CELF2: variants seen among roughly 807,000 people sequenced by gnomAD.
CELF2 encodes the protein CUGBP Elav-like family member 2.
In CELF2, 8 loss-of-function variants were observed where a neutral mutation model predicts 62.6. The observed-to-expected ratio is 0.13, with a 90% confidence interval of 0.07 to 0.23. The LOEUF (loss-of-function observed/expected upper bound fraction) is 0.23. Among genes scored for constraint, CELF2 ranks in the 10% least tolerant of loss-of-function variants. The pLI, the probability that CELF2 is intolerant of heterozygous loss-of-function variation, is 1.00. For missense variants in CELF2, 333 were observed against 671.0 expected, an observed-to-expected ratio of 0.50 and a Z score of 5.56; for synonymous variants, 258 against 250.0, an observed-to-expected ratio of 1.03 and a Z score of -0.30.
intron 9 of CELF2, among the ~76,000 whole-genome samples, chr10:11,310,424 C>T (rs976411689): frequency 5.9e-5 from 9 of 152,118 alleles, no homozygotes; most frequent in African/African-American, 2.2e-4. Flanking sequence ...TCTTGCTGCT[C>T]TTACTGAGAT....
chr10:10,975,275 G>A (rs566629878), intron 2 of CELF2, among the ~76,000 whole-genome samples: 64 of 152,116 alleles, frequency 4.2e-4, no homozygotes, highest in South Asian at 2.1e-4. Flanking sequence ...GAGCCACTAC[G>A]CCCAGCTAAT....
chr10:10,937,285 C>A (rs2046525640), intron 2 of CELF2, among the ~76,000 whole-genome samples: 1 of 151,934 alleles, frequency 6.6e-6, no homozygotes, highest in Non-Finnish European at 1.5e-5. Context: ...GCAAGTGCCA[C>A]CATGCCCAGC....
chr10:10,992,985 A>G (rs1439962452), intron 2 of CELF2, among the ~76,000 whole-genome samples: 1 of 152,158 alleles, frequency 6.6e-6, no homozygotes, highest in Non-Finnish European at 1.5e-5. Context: ...ACACTTATAT[A>G]TTCTTGTTGT....
the CELF2 span, among the ~76,000 whole-genome samples, chr10:10,757,476 A>T: frequency 6.6e-6 from 1 of 152,120 alleles, no homozygotes; most frequent in Non-Finnish European, 1.5e-5. Flanking sequence ...AATAGAATAA[A>T]ATAGACTAAC....
chr10:11,273,637 A>C (rs183563907), intron 7 of CELF2, among the ~76,000 whole-genome samples: 3 of 152,158 alleles, frequency 2.0e-5, no homozygotes, highest in Admixed American at 2.0e-4. Flanking sequence ...ATCATATCAA[A>C]CTGGAAAGAC....
At chr10:10,847,407 C>G (rs1258247056) in intron 1 of CELF2, among the ~76,000 whole-genome samples, 1 of 152,042 alleles carries the variant, frequency 6.6e-6, no homozygotes, top group South Asian at 2.1e-4. Flanking sequence ...TGAGAAAATG[C>G]TGTAGGAAGA....
intron 2 of CELF2, among the ~76,000 whole-genome samples, chr10:10,982,383 A>G (rs1203805109): frequency 2.6e-5 from 4 of 152,226 alleles, no homozygotes; most frequent in African/African-American, 9.7e-5. Context: ...CATGTCCCTA[A>G]TAATATATTT....
At chr10:10,640,407 A>T in the CELF2 span, among the ~76,000 whole-genome samples, 1 of 152,172 alleles carries the variant, frequency 6.6e-6, no homozygotes, top group Non-Finnish European at 1.5e-5. Context: ...TTAATCATGC[A>T]TCAAGACTTT....
At chr10:10,943,625 G>A (rs916146316) in intron 2 of CELF2, among the ~76,000 whole-genome samples, 1 of 151,920 alleles carries the variant, frequency 6.6e-6, no homozygotes, top group African/African-American at 2.4e-5. Context: ...GTTTGACAGA[G>A]TCTCGCTCTG....
upstream of CELF2, chr10:11,005,022 T>G (rs2054944411): frequency 2.0e-6 from 2 of 976,976 alleles, no homozygotes; most frequent in South Asian, 9.5e-5. The surrounding 1 kb of genome is among the most constrained non-coding windows in gnomAD (Gnocchi z 4.3). Context: ...TTGGTTGTTG[T>G]TTTTTTTGTT....
intron 1 of CELF2, among the ~76,000 whole-genome samples, chr10:10,854,615 A>G (rs2059594700): frequency 6.6e-6 from 1 of 151,942 alleles, no homozygotes; most frequent in Admixed American, 6.6e-5. Context: ...AACCCACAGC[A>G]TTCCCCCAAA....
In CELF2 at chr10:11,157,779, G is replaced by A. The variant is rs919566892; in HGVS notation, c.75-7707G>A. Among the ~76,000 whole-genome samples, 29 of 152,250 alleles carry A rather than the reference G, an allele frequency of 1.9e-4. No homozygotes were observed. Among genetic ancestry groups the A allele is most frequent in the African/African-American group, 7.0e-4 (29 of 41,454 alleles). ...GGGAAGAACTGGCTTTCACCACCCA[G>A]GCTTCTGAAGTGTGTAGAGAGGGTT... is the stretch of plus-strand genomic sequence containing the variant. On this transcript the variant is annotated intron_variant, in intron 1 of 12. Transcript: ENST00000633077. The surrounding 1 kb of genome is among the most constrained non-coding windows in gnomAD (Gnocchi z 4.9).
At chr10:10,527,478 A>C in the CELF2 span, among the ~76,000 whole-genome samples, 2 of 151,454 alleles carry the variant, frequency 1.3e-5, no homozygotes, top group Non-Finnish European at 2.9e-5. Context: ...CAGGCTATAG[A>C]GTTTAAAAAT....
the CELF2 span, among the ~76,000 whole-genome samples, chr10:10,469,870 T>A: frequency 6.6e-6 from 1 of 151,888 alleles, no homozygotes; most frequent in Admixed American, 6.6e-5. Flanking sequence ...ATACTAGTTT[T>A]GGTCATTTAT....
At chr10:10,591,668 CG>C in the CELF2 span, among the ~76,000 whole-genome samples, 2 of 152,024 alleles carry the variant, frequency 1.3e-5, no homozygotes, top group African/African-American at 4.8e-5. Context: ...TCTGTTAAGA[CG>C]TTTGCACTTT....
the CELF2 span, among the ~76,000 whole-genome samples, chr10:10,616,931 A>C: frequency 1.3e-5 from 2 of 151,778 alleles, no homozygotes; most frequent in African/African-American, 4.9e-5. Flanking sequence ...TAATTTATTT[A>C]TTTTTTGTAG....
chr10:11,104,547 T>A (rs764306206), intron 1 of CELF2, among the ~76,000 whole-genome samples: 2 of 152,048 alleles, frequency 1.3e-5, no homozygotes, highest in Non-Finnish European at 1.5e-5. Context: ...GCCAGGTGTG[T>A]GGTGTGTGCC....
In CELF2 at chr10:11,207,599, G is replaced by A. The variant is rs965733089; in HGVS notation, c.272-9826G>A. 1.1e-4 allele frequency among the ~76,000 whole-genome samples: 16 copies of A among 152,372 alleles called. No individual in the cohort carries two copies. In the East Asian group the frequency reaches 1.2e-3, roughly 11 times the overall value. ...GCCTCAGGCGGCCAGAGGGCGGTGC[G>A]GGTCCCACGCTGCCAGTGTAAGTTT... On this transcript the variant is annotated intron_variant, in intron 2 of 12. Transcript: ENST00000633077. This position sits in a 1 kb window ranked among gnomAD's most constrained non-coding sequence, Gnocchi z 4.1.
chr10:10,918,910 G>A (rs978760075), intron 1 of CELF2, among the ~76,000 whole-genome samples: 5 of 152,010 alleles, frequency 3.3e-5, no homozygotes, highest in African/African-American at 9.7e-5. Flanking sequence ...GAGTTCAACC[G>A]AAAGCCTCCA....
Sources: gnomAD v4.1 joint callset for allele counts (sites outside exome capture counted in the v4.1 genomes callset) on GRCh38, gnomAD v4.1.1 for gene constraint, Gnocchi (gnomAD v3.1) non-coding constraint, MANE v1.5 for transcripts, NCBI Gene and HGNC (gene_info 2026-07-23, HGNC 2026-07-21) for gene names.